The following MSH4 variants were observed in gnomAD, a reference collection of about 807,000 sequenced individuals.
The protein encoded by MSH4 is mutS homolog 4.
In MSH4, 106 loss-of-function variants were observed where a neutral mutation model predicts 113.7. The ratio of observed to expected loss-of-function variants is 0.93; its 90% CI spans 0.80 to 1.10. The LOEUF (loss-of-function observed/expected upper bound fraction) is 1.10. MSH4 is among the 50% of genes least tolerant of loss of function. The probability of loss-of-function intolerance (pLI) is 0.00; values close to 1 mark genes in which losing one functional copy is unlikely to be tolerated. For synonymous variants in MSH4, 368 were observed against 380.2 expected, an observed-to-expected ratio of 0.97 and a Z score of 0.37; for missense variants, 1,061 against 1,093.7, an observed-to-expected ratio of 0.97 and a Z score of 0.42.
At chr1:75,809,587 C>T (rs1292411291) in intron 3 of MSH4, among the ~76,000 whole-genome samples, 2 of 149,096 alleles carry the variant, frequency 1.3e-5, no homozygotes, top group Admixed American at 6.7e-5. Flanking sequence ...AACAGTTAAT[C>T]TGTACCAGTG....
intron 6 of MSH4, among the ~76,000 whole-genome samples, chr1:75,819,796 C>T (rs1387012304): frequency 3.9e-5 from 6 of 152,112 alleles, no homozygotes; most frequent in East Asian, 3.9e-4. Context: ...CTGCAACCTC[C>T]GCCTCCCGGG....
intron 19 of MSH4, among the ~76,000 whole-genome samples, chr1:75,902,419 T>C (rs908991818): frequency 6.6e-6 from 1 of 151,766 alleles, no homozygotes; most frequent in Admixed American, 6.6e-5. Flanking sequence ...TGTGTACCCA[T>C]TGTTTAGCTC....
At chr1:75,812,561 G>T (rs1650211996) in intron 4 of MSH4, among the ~76,000 whole-genome samples, 1 of 152,072 alleles carries the variant, frequency 6.6e-6, no homozygotes, top group Admixed American at 6.6e-5. Context: ...AGGCCTGGTG[G>T]CACGCGCCTG....
intron 15 of MSH4, among the ~76,000 whole-genome samples, chr1:75,885,495 C>CAT (rs1378518655): frequency 3.6e-4 from 30 of 84,474 alleles, no homozygotes; most frequent in African/African-American, 4.9e-4. Flanking sequence ...ACACTGGGTA[C>CAT]ATATATATAT....
At chr1:75,886,758 TA>T (rs1344900805) in intron 15 of MSH4, among the ~76,000 whole-genome samples, 2 of 140,266 alleles carry the variant, frequency 1.4e-5, no homozygotes, top group African/African-American at 5.2e-5. Flanking sequence ...ACATTATATA[TA>T]AAATATGTAT....
At chr1:75,888,635 CATA>C (rs930082787) in intron 15 of MSH4, among the ~76,000 whole-genome samples, 1 of 151,190 alleles carries the variant, frequency 6.6e-6, no homozygotes, top group Non-Finnish European at 1.5e-5. Flanking sequence ...TTATTTTTGA[CATA>C]ATAATTGCAC....
At chr1:75,875,023 G>A (rs1651787112) in intron 9 of MSH4, among the ~76,000 whole-genome samples, 1 of 152,134 alleles carries the variant, frequency 6.6e-6, no homozygotes, top group South Asian at 2.1e-4. Flanking sequence ...CTCCTGAGTA[G>A]CTGGGACCAC....
rs533458033 is a variant in MSH4, at chr1:75,854,324, A to G, written c.1230+6048A>G. On this transcript the variant is annotated intron_variant, in intron 8 of 19. Transcript: ENST00000263187. ...CCTCCCCCATGCAGATACCATCTTC[A>G]CTCTGCCTATGCTGTAGTACTCCCT... Among the ~76,000 whole-genome samples the G allele has an allele frequency of 1.5e-3, 228 of 151,902 alleles. 2 individuals carry two copies. The highest frequency in any genetic ancestry group is 5.2e-3 in the African/African-American group (214 of 41,442).
intron 15 of MSH4, among the ~76,000 whole-genome samples, chr1:75,884,588 A>G (rs748838232): frequency 1.3e-5 from 2 of 151,946 alleles, no homozygotes; most frequent in Non-Finnish European, 2.9e-5. Flanking sequence ...ACATCCTACA[A>G]TGCACAGAAC....
rs1306481167 is a variant in MSH4 at position 75,815,149 on chromosome 1, T to G, written c.815+13T>G. The G allele has an allele frequency of 7.2e-7, 1 of 1,386,778 alleles. No individual in the cohort carries two copies. The highest frequency in any genetic ancestry group is 9.8e-7 in the Non-Finnish European group (1 of 1,021,176). 85.9% of individuals were successfully genotyped at this position (1,386,778 alleles called of 1,614,324 possible). ...AGGTTCAGTCCAAGTAAGTTATATA[T>G]TTATTTATTTTTTTACTAGCCCACA... On this transcript the variant is annotated intron_variant, in intron 5 of 19. Coordinates refer to ENST00000263187, the MANE Select transcript of MSH4 (RefSeq NM_002440.4).
In MSH4 at chr1:75,816,405, TA is replaced by T; in HGVS notation, c.852del (p.Lys284AsnfsTer16). 1 of 1,607,878 alleles carries T rather than the reference TA, an allele frequency of 6.2e-7. No homozygotes were observed. Among genetic ancestry groups the T allele is most frequent in the Non-Finnish European group, 8.5e-7 (1 of 1,176,284 alleles). On this transcript the variant is annotated frameshift_variant, in exon 6 of 20. Transcript: ENST00000263187. LOFTEE classifies it high-confidence loss of function. ...YYCLAAVAAL[L>X]KYVEFIQNSV... ...TGCCTTGCAGCTGTTGCAGCTTTGT[TA>T]AAATATGTTGAATTTATTCAAAATT... is the stretch of plus-strand genomic sequence containing the variant.
At chr1:75,888,981 G>A (rs1488960021) in intron 15 of MSH4, among the ~76,000 whole-genome samples, 1 of 148,498 alleles carries the variant, frequency 6.7e-6, no homozygotes, top group African/African-American at 2.5e-5. Flanking sequence ...TGCAGGCTCC[G>A]CCTCCCGGGT....
intron 8 of MSH4, among the ~76,000 whole-genome samples, chr1:75,863,668 C>G (rs1651507310): frequency 6.6e-6 from 1 of 152,098 alleles, no homozygotes; most frequent in Non-Finnish European, 1.5e-5. Context: ...TTCTCAAAGC[C>G]ACCAATTATT....
At chr1:75,858,318 G>A (rs559944809) in intron 8 of MSH4, among the ~76,000 whole-genome samples, 62 of 152,330 alleles carry the variant, frequency 4.1e-4, no homozygotes, top group South Asian at 1.2e-3. Flanking sequence ...TAGGAGTGGT[G>A]AGAAAGGGCA....
At chr1:75,826,058 C>A (rs750679192) in intron 7 of MSH4, among the ~76,000 whole-genome samples, 11 of 152,080 alleles carry the variant, frequency 7.2e-5, no homozygotes, top group Non-Finnish European at 1.3e-4. Context: ...CCTCCTTGTA[C>A]CTCTGGTAGA....
intron 15 of MSH4, among the ~76,000 whole-genome samples, chr1:75,885,377 T>C (rs1412255137): frequency 7.5e-6 from 1 of 132,866 alleles, no homozygotes; most frequent in African/African-American, 2.8e-5. Flanking sequence ...AACATTTTGG[T>C]TTTCACATAT....
chr1:75,799,326 C>T (rs929225676), intron 1 of MSH4, among the ~76,000 whole-genome samples: 4 of 151,988 alleles, frequency 2.6e-5, no homozygotes, highest in Non-Finnish European at 5.9e-5. Flanking sequence ...CCCAAATAGG[C>T]GAACAAAGGT....
At chr1:75,898,210 C>G (rs1335243046) in intron 18 of MSH4, 129 bp downstream of exon 18, 1 of 493,240 alleles carries the variant, frequency 2.0e-6, no homozygotes, top group Non-Finnish European at 3.5e-6. Flanking sequence ...CTTATATTCT[C>G]TTAGATTGTA....
At chr1:75,842,341 T>C (rs1351065057) in intron 7 of MSH4, among the ~76,000 whole-genome samples, 3 of 152,074 alleles carry the variant, frequency 2.0e-5, no homozygotes, top group Non-Finnish European at 4.4e-5. Flanking sequence ...GATGCCTGGC[T>C]CTTAGTTGAT....
Sources: gnomAD v4.1 joint callset for allele counts (sites outside exome capture counted in the v4.1 genomes callset) on GRCh38, gnomAD v4.1.1 for gene constraint, MANE v1.5 for transcripts, NCBI Gene and HGNC (gene_info 2026-07-23, HGNC 2026-07-21) for gene names.